The following SMAD1 variants were observed in gnomAD, a reference collection of about 807,000 sequenced individuals.
SMAD1 encodes the protein SMAD family member 1.
Under a neutral mutation model 41.6 loss-of-function variants are expected in SMAD1, and 6 were observed. The ratio of observed to expected loss-of-function variants is 0.14; its 90% CI spans 0.08 to 0.28. SMAD1 has a LOEUF of 0.28. SMAD1 is among the 10% of genes least tolerant of loss of function. The pLI is 1.00. For synonymous variants in SMAD1, 206 were observed against 203.2 expected (o/e 1.01, Z -0.12); for missense variants, 379 against 582.6 (o/e 0.65, Z 3.60).
chr4:145,510,841 G>A (rs1730035778), intron 1 of SMAD1, among the ~76,000 whole-genome samples: 1 of 151,974 alleles, frequency 6.6e-6, no homozygotes, highest in Admixed American at 6.6e-5. Flanking sequence ...CATTGTAATT[G>A]TTAGTCTTTT....
At position 145,537,057 on chromosome 4, in the gene SMAD1, C is replaced by T. The variant is rs374107453; in HGVS notation, c.401-2747C>T. ...GCATGAAAGCAAGAAGGAAAAAAGA[C>T]GCTGAAGAACTATTCCAGATTACAG... On this transcript the variant is annotated intron_variant, in intron 2 of 6. Transcript: ENST00000302085. Among the ~76,000 whole-genome samples the T allele has an allele frequency of 1.4e-4, 22 of 152,120 alleles. 1 individual carries two copies. Among genetic ancestry groups the T allele is most frequent in the African/African-American group, 1.2e-4 (5 of 41,518 alleles).
chr4:145,496,707 G>A (rs1729097992), intron 1 of SMAD1, among the ~76,000 whole-genome samples: 3 of 152,090 alleles, frequency 2.0e-5, no homozygotes, highest in Non-Finnish European at 4.4e-5. Context: ...GTATTGGGTG[G>A]TGGGGTCTGG....
chr4:145,501,873 C>T (rs1230408620), intron 1 of SMAD1, among the ~76,000 whole-genome samples: 4 of 151,968 alleles, frequency 2.6e-5, no homozygotes, highest in Non-Finnish European at 5.9e-5. Context: ...ATGATTTCTA[C>T]CTTGAAGCAT....
At chr4:145,541,103 T>G (rs1167060413) in intron 3 of SMAD1, among the ~76,000 whole-genome samples, 2 of 152,130 alleles carry the variant, frequency 1.3e-5, no homozygotes, top group Non-Finnish European at 2.9e-5. Context: ...CCTGTCTACC[T>G]CTCTCCCTTC....
intron 1 of SMAD1, chr4:145,484,807 T>C (rs975791503): frequency 2.0e-5 from 3 of 152,194 alleles, no homozygotes; most frequent in Admixed American, 6.5e-5. Context: ...TTATAAAATA[T>C]CAGTGGACCA....
At chr4:145,554,714 T>A (rs1233567504) in intron 6 of SMAD1, among the ~76,000 whole-genome samples, 2 of 152,170 alleles carry the variant, frequency 1.3e-5, no homozygotes, top group Non-Finnish European at 1.5e-5. Flanking sequence ...GAAATAAAAA[T>A]TTTTAAGATG....
chr4:145,515,689 C>G (rs1340480899), intron 2 of SMAD1, among the ~76,000 whole-genome samples: 2 of 152,170 alleles, frequency 1.3e-5, no homozygotes, highest in East Asian at 3.9e-4. Flanking sequence ...TACGGTTTTG[C>G]CCTCAAGTTA....
At chr4:145,547,434 A>G (rs1732309081) in intron 5 of SMAD1, among the ~76,000 whole-genome samples, 1 of 152,238 alleles carries the variant, frequency 6.6e-6, no homozygotes, top group Non-Finnish European at 1.5e-5. Context: ...AGAACAAAAA[A>G]TCAGGCATGG....
At chr4:145,518,525 C>T (rs1304849652) in intron 2 of SMAD1, among the ~76,000 whole-genome samples, 2 of 124,106 alleles carry the variant, frequency 1.6e-5, no homozygotes, top group East Asian at 2.0e-4. Flanking sequence ...GGTGACTTAG[C>T]CCCTCACACT....
chr4:145,533,535 T>C (rs11100884), intron 2 of SMAD1, among the ~76,000 whole-genome samples: 48,307 of 151,156 alleles, frequency 0.32, 9,879 homozygotes, highest in Non-Finnish European at 0.47. Context: ...AAAATAAAAA[T>C]TAACTGCGCA....
At chr4:145,491,462 T>G (rs767326161) in intron 1 of SMAD1, among the ~76,000 whole-genome samples, 4 of 152,212 alleles carry the variant, frequency 2.6e-5, no homozygotes, top group Non-Finnish European at 5.9e-5. Flanking sequence ...AAACTACTAA[T>G]GAACACACAA....
chr4:145,539,926 T>G lies in SMAD1; in HGVS notation c.523T>G (p.Ser175Ala). The stretch of plus-strand genomic sequence containing the variant: ...GCCACTCAACGCCACTTTTCCAGAT[T>G]CTTTCCAGCAACCCAACAGCCACCC... ...HMPLNATFPDSFQQPNSHPFP... is the reference protein window; with the variant it reads ...HMPLNATFPDAFQQPNSHPFP... Residue 175 changes from serine to alanine, a missense_variant, in exon 3 of 7, where the codon TCT (serine) becomes GCT (alanine). Physicochemically the swap from Ser to Ala is moderately conservative, Grantham distance 99. This residue lies in a region of SMAD1 where 208 missense variants were observed against 210.5 expected (regional missense o/e 0.99). Transcript: ENST00000302085. 1.9e-6 allele frequency: 3 copies of G among 1,614,004 alleles called. No individual in the cohort carries two copies. Among genetic ancestry groups the G allele is most frequent in the Non-Finnish European group, 8.5e-7 (1 of 1,179,992 alleles).
In SMAD1 at chr4:145,515,149, T is replaced by C. The variant is rs949388342; in HGVS notation, c.400+136T>C. ...TTTGGGGAAACTGTGTGTGTGTGTG[T>C]GTGTGTGTGTGTGTGTGTGTGTGTG... On this transcript the variant is annotated intron_variant, in intron 2 of 6. Transcript: ENST00000302085. 113 of 663,110 alleles carry C rather than the reference T, an allele frequency of 1.7e-4. No homozygotes were observed. In the East Asian group the frequency reaches 2.3e-3, roughly 13 times the overall value. 41.1% of individuals were successfully genotyped at this position (663,110 alleles called of 1,614,324 possible).
At chr4:145,544,912 G>A (rs911759594) in intron 4 of SMAD1, 1 of 152,056 alleles carries the variant, frequency 6.6e-6, no homozygotes, top group African/African-American at 2.4e-5. Flanking sequence ...AACCCAAAAT[G>A]TCTGATTTCA....
At chr4:145,489,215 A>G (rs1728647511) in intron 1 of SMAD1, among the ~76,000 whole-genome samples, 2 of 152,222 alleles carry the variant, frequency 1.3e-5, no homozygotes, top group African/African-American at 4.8e-5. Flanking sequence ...GCCTGACCTC[A>G]GTGGGTGTTC....
chr4:145,513,540 A>G (rs960928331), intron 1 of SMAD1, among the ~76,000 whole-genome samples: 2 of 152,116 alleles, frequency 1.3e-5, no homozygotes, highest in Non-Finnish European at 2.9e-5. Context: ...TTTTTAAAGC[A>G]GGAGATGTAT....
intron 1 of SMAD1, among the ~76,000 whole-genome samples, chr4:145,485,189 C>T (rs983986456): frequency 6.6e-6 from 1 of 152,176 alleles, no homozygotes; most frequent in Non-Finnish European, 1.5e-5. Flanking sequence ...CCACTTCAGC[C>T]TCCCAAGTTG....
rs546951445 is a variant in SMAD1, at chr4:145,553,338, G to A, written c.998-446G>A. On this transcript the variant is annotated intron_variant, in intron 5 of 6. Coordinates refer to ENST00000302085, the MANE Select transcript of SMAD1 (RefSeq NM_005900.3). Reference sequence around the variant, plus strand: ...GCCATCCCCAGTCTTTTTGGCACCAGGGACCAGTTTCATGGAAGACAATTT... The same window carrying A: ...GCCATCCCCAGTCTTTTTGGCACCAAGGACCAGTTTCATGGAAGACAATTT... Among the ~76,000 whole-genome samples the A allele has an allele frequency of 1.2e-4, 19 of 152,220 alleles. No individual in the cohort carries two copies. In the South Asian group the frequency reaches 3.5e-3, roughly 28 times the overall value.
intron 6 of SMAD1, among the ~76,000 whole-genome samples, chr4:145,554,334 A>G (rs1437640535): frequency 3.9e-5 from 6 of 152,162 alleles, no homozygotes; most frequent in Non-Finnish European, 1.5e-5. Context: ...GTTATGTTAT[A>G]TATTTAACAT....
Sources: allele counts gnomAD v4.1 joint callset (sites outside exome capture counted in the v4.1 genomes callset), GRCh38; gene constraint gnomAD v4.1.1; regional missense constraint gnomAD v4.1.1; transcripts MANE v1.5; gene names NCBI Gene and HGNC (gene_info 2026-07-23, HGNC 2026-07-21).